Variants in TLK2 observed in about 807,000 individuals in gnomAD.
TLK2 encodes the protein serine/threonine-protein kinase tousled-like 2.
In TLK2, 6 loss-of-function variants were observed where a neutral mutation model predicts 117.3. The ratio of observed to expected loss-of-function variants is 0.05; its 90% CI spans 0.03 to 0.10. The LOEUF is 0.10. TLK2 is among the 10% of genes least tolerant of loss of function. TLK2 has a pLI of 1.00. For missense variants in TLK2, 299 were observed against 901.2 expected (o/e 0.33, Z 8.56); for synonymous variants, 257 against 316.7 (o/e 0.81, Z 2.00).
chr17:62,504,070 TG>T (rs2074454566), intron 2 of TLK2, among the ~76,000 whole-genome samples: 1 of 152,226 alleles, frequency 6.6e-6, no homozygotes, highest in South Asian at 2.1e-4. Context: ...TTGAATAATT[TG>T]GCCCCTATGG....
chr17:62,545,114 C>T (rs1598480900), intron 7 of TLK2, among the ~76,000 whole-genome samples: 1 of 152,170 alleles, frequency 6.6e-6, no homozygotes, highest in African/African-American at 2.4e-5. Context: ...GCAACCTCCG[C>T]CTCCCGGGTT....
At chr17:62,598,248 C>CG (rs2082624011) in intron 17 of TLK2, among the ~76,000 whole-genome samples, 1 of 152,070 alleles carries the variant, frequency 6.6e-6, no homozygotes, top group Admixed American at 6.5e-5. Context: ...CTAGGTAGAC[C>CG]CCCCTCTCTG....
upstream of TLK2, among the ~76,000 whole-genome samples, chr17:62,475,254 C>T (rs2071015846): frequency 6.6e-6 from 1 of 152,068 alleles, no homozygotes; most frequent in Admixed American, 6.5e-5. Context: ...GATGAGGAAC[C>T]TGGGACAGGT....
At chr17:62,595,103 A>G (rs2082372219) in intron 16 of TLK2, among the ~76,000 whole-genome samples, 1 of 152,024 alleles carries the variant, frequency 6.6e-6, no homozygotes. Context: ...TGGGGATTAC[A>G]GGTGGCCACC....
chr17:62,478,146 C>A (rs560486762), upstream of TLK2: 2 of 152,078 alleles, frequency 1.3e-5, no homozygotes, highest in African/African-American at 2.4e-5. Flanking sequence ...GCCGGCGGCT[C>A]CGGGGAGTGG....
chr17:62,498,390 C>CCTTT (rs1230785563), intron 2 of TLK2, among the ~76,000 whole-genome samples: 7 of 142,848 alleles, frequency 4.9e-5, no homozygotes, highest in Admixed American at 7.0e-5. Context: ...GAAAGCCCCC[C>CCTTT]TTTTTTTTTT....
intron 7 of TLK2, among the ~76,000 whole-genome samples, chr17:62,548,314 C>T (rs1381784221): frequency 1.3e-5 from 2 of 149,614 alleles, no homozygotes; most frequent in African/African-American, 4.9e-5. Flanking sequence ...TGGAGTCTCA[C>T]TCTGTCACCC....
At chr17:62,606,093 C>A in intron 19 of TLK2, 37 bp from the exon 20 acceptor site, 3 of 936,954 alleles carry the variant, frequency 3.2e-6, no homozygotes, top group South Asian at 2.0e-5. Flanking sequence ...CTTATATGAT[C>A]ATTATTCTAA....
chr17:62,585,944 T>C, intron 15 of TLK2, 191 bp from the exon 16 acceptor site: 1 of 472,704 alleles, frequency 2.1e-6, no homozygotes, highest in Non-Finnish European at 3.9e-6. Flanking sequence ...TTGGTGCCAG[T>C]GTGTCTGGAG....
At chr17:62,480,505 A>G (rs1452840538) in intron 1 of TLK2, among the ~76,000 whole-genome samples, 2 of 152,230 alleles carry the variant, frequency 1.3e-5, no homozygotes, top group African/African-American at 4.8e-5. Flanking sequence ...TTATGGAGCT[A>G]TATTAATTTA....
At chr17:62,548,277 T>TGTGTGTGTGTGTGTG (rs2078112319) in intron 7 of TLK2, among the ~76,000 whole-genome samples, 2 of 150,738 alleles carry the variant, frequency 1.3e-5, no homozygotes, top group Admixed American at 6.6e-5. Flanking sequence ...TGTGTGTGTC[T>TGTGTGTGTGTGTGTG]TTTTTATTTT....
intron 6 of TLK2, among the ~76,000 whole-genome samples, chr17:62,526,259 G>T (rs1382686494): frequency 6.6e-6 from 1 of 152,192 alleles, no homozygotes; most frequent in Non-Finnish European, 1.5e-5. Flanking sequence ...GACTGATCTG[G>T]TCATGAGCAC....
chr17:62,500,129 G>T (rs1034955566), intron 2 of TLK2, among the ~76,000 whole-genome samples: 16 of 151,772 alleles, frequency 1.1e-4, no homozygotes, highest in Admixed American at 9.9e-4. Flanking sequence ...GAGTGCAGTG[G>T]TATGATCATA....
At chr17:62,554,967 A>T (rs1350678186) in intron 9 of TLK2, among the ~76,000 whole-genome samples, 4 of 148,454 alleles carry the variant, frequency 2.7e-5, no homozygotes, top group African/African-American at 5.0e-5. Flanking sequence ...CATTTGGTAC[A>T]TTTTTTTTTT....
In TLK2 at chr17:62,606,084, T is replaced by C. The variant is rs373577658; in HGVS notation, c.1860-46T>C. 11 of 882,746 alleles carry C rather than the reference T, an allele frequency of 1.2e-5. No individual in the cohort carries two copies. The East Asian group carries it at 2.5e-4, about 20-fold the overall frequency. The allele number at this position is 882,746 out of a possible 1,614,324, so 54.7% of individuals were successfully genotyped here. On this transcript the variant is annotated intron_variant, in intron 19 of 21. Transcript: ENST00000346027. ...TTGTCTTTTTGTACATGTCTTAAAC[T>C]TATATGATCATTATTCTAATAATTT...
rs189089081 is a variant in TLK2, at chr17:62,517,769, C to T, written c.82-3004C>T. On this transcript the variant is annotated intron_variant, in intron 2 of 21. Transcript: ENST00000346027. ...CCGGAATACAGTGATACAATCTCAG[C>T]TCACTGCAACCTTCACCTCCCAGGT... Among the ~76,000 whole-genome samples, 523 of 152,264 alleles carry T rather than the reference C, an allele frequency of 3.4e-3. 6 individuals carry two copies. Among genetic ancestry groups the T allele is most frequent in the African/African-American group, 0.012 (507 of 41,564 alleles).
chr17:62,523,600 T>A (rs2076189076), intron 5 of TLK2, among the ~76,000 whole-genome samples: 2 of 152,172 alleles, frequency 1.3e-5, no homozygotes, highest in South Asian at 4.2e-4. Flanking sequence ...AGAAAGAAAG[T>A]AATGTTTTGC....
At position 62,564,987 on chromosome 17, in the gene TLK2, C is replaced by CT. The variant is rs1292439904; in HGVS notation, c.832-13dup. ...ATTGGTATTGAATTCCTTTTTTTGT[C>CT]TGTTTCCCCTAAGTCAAAACAAGAG... On this transcript the variant is annotated splice_polypyrimidine_tract_variant and intron_variant, in intron 10 of 21. Transcript: ENST00000346027. 5.7e-6 allele frequency: 9 copies of CT among 1,587,360 alleles called. No individual in the cohort carries two copies.
intron 2 of TLK2, among the ~76,000 whole-genome samples, chr17:62,496,744 A>G (rs2144837703): frequency 6.6e-6 from 1 of 152,178 alleles, no homozygotes; most frequent in South Asian, 2.1e-4. Flanking sequence ...TCACGAGGTC[A>G]GGAGATTGAG....
Sources: allele counts gnomAD v4.1 joint callset (sites outside exome capture counted in the v4.1 genomes callset), GRCh38; gene constraint gnomAD v4.1.1; transcripts MANE v1.5; gene names NCBI Gene and HGNC (gene_info 2026-07-23, HGNC 2026-07-21).